SCFD1: variants seen among roughly 807,000 people sequenced by gnomAD.
SCFD1 encodes sec1 family domain containing 1, also known as sec1 family domain-containing protein 1.
SCFD1 carries 37 observed loss-of-function variants against 103.2 expected under a neutral mutation model. That is an observed-to-expected ratio of 0.36 (90% CI 0.28 to 0.47). The LOEUF (loss-of-function observed/expected upper bound fraction) is 0.47, where lower values mean the gene tolerates loss of function less well. Ranked by LOEUF, SCFD1 falls within the 20% of genes least tolerant of loss-of-function variation. SCFD1 has a pLI of 1.00. For synonymous variants in SCFD1, 264 were observed against 245.0 expected, an observed-to-expected ratio of 1.08 and a Z score of -0.73; for missense variants, 639 against 761.2, an observed-to-expected ratio of 0.84 and a Z score of 1.89.
intron 1 of SCFD1, among the ~76,000 whole-genome samples, chr14:30,625,962 C>G (rs1455222547): frequency 6.6e-6 from 1 of 151,986 alleles, no homozygotes; most frequent in African/African-American, 2.4e-5. Context: ...TGTCAGGCTT[C>G]AAGAGTGTGA....
At chr14:30,725,251 T>C (rs187762284) in intron 23 of SCFD1, among the ~76,000 whole-genome samples, 17 of 152,300 alleles carry the variant, frequency 1.1e-4, no homozygotes, top group African/African-American at 3.6e-4. Context: ...AGGAATAGCA[T>C]TGAATCTACC....
At chr14:30,712,606 A>G (rs1310489437) in intron 19 of SCFD1, among the ~76,000 whole-genome samples, 3 of 152,220 alleles carry the variant, frequency 2.0e-5, no homozygotes, top group African/African-American at 4.8e-5. Context: ...GACTAAAATC[A>G]TAAAACACGA....
At chr14:30,689,750 T>G (rs1267025682) in intron 14 of SCFD1, among the ~76,000 whole-genome samples, 636 of 107,350 alleles carry the variant, frequency 5.9e-3, no homozygotes, top group African/African-American at 0.023. Context: ...TTCTTTGCCT[T>G]TGGTTTGAAT....
intron 14 of SCFD1, among the ~76,000 whole-genome samples, chr14:30,684,607 T>C (rs1374487834): frequency 2.0e-5 from 3 of 152,060 alleles, no homozygotes; most frequent in Admixed American, 6.6e-5. Context: ...CCATAGAATG[T>C]CCTTCTAAAA....
intron 21 of SCFD1, among the ~76,000 whole-genome samples, 167 bp downstream of exon 21, chr14:30,719,544 C>T (rs1182381480): frequency 6.6e-6 from 1 of 152,112 alleles, no homozygotes; most frequent in Non-Finnish European, 1.5e-5. Context: ...AGTAATGATA[C>T]TTGGCATTCA....
intron 1 of SCFD1, among the ~76,000 whole-genome samples, chr14:30,623,199 T>C (rs1883041847): frequency 2.0e-5 from 3 of 152,228 alleles, no homozygotes; most frequent in Admixed American, 2.0e-4. Flanking sequence ...TTAAAAGTTT[T>C]CAAGCAATTT....
intron 23 of SCFD1, among the ~76,000 whole-genome samples, chr14:30,734,274 T>C (rs1423613251): frequency 5.3e-5 from 8 of 152,206 alleles, no homozygotes. Flanking sequence ...GCTGTTGTGA[T>C]TGGGTTCCAA....
upstream of SCFD1, chr14:30,622,287 C>T (rs1276615735): frequency 2.5e-6 from 4 of 1,590,560 alleles, no homozygotes; most frequent in East Asian, 2.3e-5. Context: ...AGGGCAGCCA[C>T]GTCATCCCCC....
chr14:30,677,780 G>T (rs1889144689), intron 14 of SCFD1, among the ~76,000 whole-genome samples: 1 of 138,770 alleles, frequency 7.2e-6, no homozygotes, highest in Admixed American at 7.3e-5. Flanking sequence ...AGAATTTCTT[G>T]ACCATCTGAG....
chr14:30,734,718 A>T, intron 23 of SCFD1, 72 bp from the exon 24 acceptor site: 1 of 1,181,552 alleles, frequency 8.5e-7, no homozygotes, highest in Middle Eastern at 2.4e-4. Flanking sequence ...CTAGCATATT[A>T]ATCTCTTTTC....
chr14:30,677,906 C>G (rs922945501), intron 14 of SCFD1, among the ~76,000 whole-genome samples: 1 of 132,004 alleles, frequency 7.6e-6, no homozygotes, highest in Non-Finnish European at 1.5e-5. Context: ...GTGGCACACT[C>G]TCAGCTCACT....
At chr14:30,641,618 A>C (rs1273587791) in intron 6 of SCFD1, among the ~76,000 whole-genome samples, 2 of 152,238 alleles carry the variant, frequency 1.3e-5, no homozygotes, top group Non-Finnish European at 2.9e-5. Flanking sequence ...CTGAATTCAC[A>C]TAATGCAAAT....
chr14:30,729,414 T>C lies in SCFD1; in HGVS notation c.1837-5376T>C, dbSNP rs989307427. 2.0e-5 allele frequency among the ~76,000 whole-genome samples: 3 copies of C among 152,236 alleles called. No homozygotes were observed. In the East Asian group the frequency reaches 5.8e-4, roughly 29 times the overall value. On this transcript the variant is annotated intron_variant, in intron 23 of 24. Coordinates refer to ENST00000458591, the MANE Select transcript of SCFD1 (RefSeq NM_016106.4). ...GAAGATCCAGTTTCATCTTTTTGCATATCCAGTTGTTCCACTGCCATCTGT... is the reference window on the plus strand; with the variant it reads ...GAAGATCCAGTTTCATCTTTTTGCACATCCAGTTGTTCCACTGCCATCTGT...
chr14:30,644,084 G>C, intron 7 of SCFD1: 1 of 435,186 alleles, frequency 2.3e-6, no homozygotes, highest in Non-Finnish European at 4.6e-6. Flanking sequence ...CCACTTACAA[G>C]TGAGAACATA....
At chr14:30,724,072 TAAA>T (rs59654790) in intron 23 of SCFD1, among the ~76,000 whole-genome samples, 4 of 91,348 alleles carry the variant, frequency 4.4e-5, no homozygotes, top group African/African-American at 5.1e-5. Context: ...ACCAGTATCT[TAAA>T]AAAAAAAAAA....
chr14:30,639,251 C>T lies in SCFD1; in HGVS notation c.436-526C>T, dbSNP rs528679605. On this transcript the variant is annotated intron_variant, in intron 5 of 24. Transcript: ENST00000458591. ...GTCCTCCCACCTCAGCCTCCCAAAG[C>T]TCTGGGATTACAGGTGCAAGCCACC... Among the ~76,000 whole-genome samples the T allele has an allele frequency of 3.5e-4, 53 of 152,172 alleles. 1 individual carries two copies. The East Asian group carries it at 3.9e-3, about 11-fold the overall frequency.
chr14:30,729,527 T>C (rs975487693), intron 23 of SCFD1, among the ~76,000 whole-genome samples: 11 of 152,234 alleles, frequency 7.2e-5, no homozygotes, highest in Non-Finnish European at 1.5e-4. Flanking sequence ...TTCTGAACTC[T>C]CAATTCCATT....
At position 30,628,071 on chromosome 14, in the gene SCFD1, C is replaced by G. The variant is rs542729722; in HGVS notation, c.62-138C>G. 3.4e-4 allele frequency: 200 copies of G among 585,718 alleles called. 1 individual carries two copies. The highest frequency in any genetic ancestry group is 6.8e-4 in the Admixed American group (22 of 32,346). The allele number at this position is 585,718 out of a possible 1,614,324, so 36.3% of individuals were successfully genotyped here. ...GTCTTACAAGATCTGACCCCTAGTTCTACACATATAGTCATTTGGTTAATC... is the reference window on the plus strand; with the variant it reads ...GTCTTACAAGATCTGACCCCTAGTTGTACACATATAGTCATTTGGTTAATC... On this transcript the variant is annotated intron_variant, in intron 1 of 24. Transcript: ENST00000458591.
intron 19 of SCFD1, among the ~76,000 whole-genome samples, chr14:30,714,005 A>T (rs1438005314): frequency 6.6e-6 from 1 of 152,086 alleles, no homozygotes; most frequent in Non-Finnish European, 1.5e-5. Context: ...ACTGGTTTAG[A>T]CTCACTCTTA....
Sources: allele counts gnomAD v4.1 joint callset (sites outside exome capture counted in the v4.1 genomes callset), GRCh38; gene constraint gnomAD v4.1.1; transcripts MANE v1.5; gene names NCBI Gene and HGNC (gene_info 2026-07-23, HGNC 2026-07-21).